JHY: variants seen among roughly 807,000 people sequenced by gnomAD.
JHY encodes the protein jhy protein homolog.
JHY carries 69 observed loss-of-function variants against 78.0 expected under a neutral mutation model. That is an observed-to-expected ratio of 0.88 (90% CI 0.73 to 1.08). The LOEUF is 1.08. Among genes scored for constraint, JHY ranks in the 50% least tolerant of loss-of-function variants. The pLI is 0.00. For synonymous variants in JHY, 368 were observed against 342.6 expected, an observed-to-expected ratio of 1.07 and a Z score of -0.82; for missense variants, 944 against 927.8, an observed-to-expected ratio of 1.02 and a Z score of -0.23.
At position 122,924,953 on chromosome 11, in the gene JHY, G is replaced by A; in HGVS notation, c.921G>A (p.Met307Ile). 6.2e-7 allele frequency: 1 copy of A among 1,614,112 alleles called. No individual in the cohort carries two copies. The highest frequency in any genetic ancestry group is 8.5e-7 in the Non-Finnish European group (1 of 1,179,994). The change falls in exon 4 of 9, where the codon ATG (methionine) becomes ATA (isoleucine). Residue 307 changes from methionine to isoleucine, a missense_variant. Physicochemically the swap from Met to Ile is conservative, Grantham distance 10 (BLOSUM62 1). Coordinates refer to ENST00000227349, the MANE Select transcript of JHY (RefSeq NM_024806.4). ...CGTCTATTCAGAATGCCAAGGAAAT[G>A]GAAAATGCTGCCATCGATCCTGAAG... ...DKTSIQNAKE[M>I]ENAAIDPEDK...
intron 3 of JHY, among the ~76,000 whole-genome samples, chr11:122,914,073 C>T (rs1382128540): frequency 1.3e-5 from 2 of 152,124 alleles, no homozygotes; most frequent in Non-Finnish European, 2.9e-5. Context: ...TCTTCTTCTT[C>T]CTCATTAAAG....
At chr11:122,958,523 ACTTTT>A (rs139103595) in intron 8 of JHY, among the ~76,000 whole-genome samples, 4,964 of 152,044 alleles carry the variant, frequency 0.033, 178 homozygotes, top group African/African-American at 0.088. Flanking sequence ...AGAAGTCTAG[ACTTTT>A]CTTTTCTACA....
At chr11:122,919,663 T>C (rs1379161132) in intron 3 of JHY, among the ~76,000 whole-genome samples, 1 of 151,846 alleles carries the variant, frequency 6.6e-6, no homozygotes, top group Non-Finnish European at 1.5e-5. Context: ...AAGCTGAAAA[T>C]GAATGTAGAA....
chr11:122,907,774 G>T (rs762585848), intron 3 of JHY, among the ~76,000 whole-genome samples: 1 of 150,568 alleles, frequency 6.6e-6, no homozygotes, highest in Non-Finnish European at 1.5e-5. Flanking sequence ...AACCCAGGGC[G>T]GTGAGCCGAG....
chr11:122,939,355 G>A (rs371025152), intron 5 of JHY, among the ~76,000 whole-genome samples: 12 of 152,056 alleles, frequency 7.9e-5, no homozygotes, highest in Non-Finnish European at 1.5e-4. Context: ...TTTCACCACC[G>A]CCACTCCCAC....
At chr11:122,926,362 A>G (rs1368151542) in intron 4 of JHY, among the ~76,000 whole-genome samples, 1 of 152,146 alleles carries the variant, frequency 6.6e-6, no homozygotes, top group South Asian at 2.1e-4. Context: ...GCCTGTTGAC[A>G]TCAGTTAAAA....
At chr11:122,901,995 C>G (rs943638331) in intron 2 of JHY, among the ~76,000 whole-genome samples, 5 of 152,068 alleles carry the variant, frequency 3.3e-5, no homozygotes, top group Non-Finnish European at 5.9e-5. Context: ...CACGTCCATA[C>G]CGTGTCTCAC....
intron 3 of JHY, among the ~76,000 whole-genome samples, chr11:122,916,318 T>C (rs2041256967): frequency 2.0e-5 from 3 of 152,148 alleles, no homozygotes; most frequent in Admixed American, 2.0e-4. Flanking sequence ...ACATTATATA[T>C]TAATACAATT....
intron 2 of JHY, among the ~76,000 whole-genome samples, chr11:122,894,967 C>T (rs1196356064): frequency 4.6e-5 from 7 of 152,094 alleles, no homozygotes; most frequent in Non-Finnish European, 7.4e-5. Flanking sequence ...TGCAAATAAC[C>T]TTCACAAAGC....
intron 5 of JHY, among the ~76,000 whole-genome samples, chr11:122,942,506 C>T (rs1307489352): frequency 2.0e-5 from 3 of 152,168 alleles, no homozygotes; most frequent in African/African-American, 7.2e-5. Flanking sequence ...TCACTGCAAC[C>T]TCCATCTCTC....
chr11:122,931,295 ACT>A (rs1368112582), intron 4 of JHY, among the ~76,000 whole-genome samples: 1 of 152,092 alleles, frequency 6.6e-6, no homozygotes, highest in Non-Finnish European at 1.5e-5. Flanking sequence ...CTCTAAAATA[ACT>A]CTTAGCTTTC....
At chr11:122,901,992 A>T (rs1048524347) in intron 2 of JHY, among the ~76,000 whole-genome samples, 3 of 152,060 alleles carry the variant, frequency 2.0e-5, no homozygotes. Flanking sequence ...TTCCACGTCC[A>T]TACCGTGTCT....
chr11:122,889,591 T>C (rs1862567009), intron 2 of JHY, among the ~76,000 whole-genome samples: 1 of 152,168 alleles, frequency 6.6e-6, no homozygotes, highest in African/African-American at 2.4e-5. Flanking sequence ...CATCCCTGGA[T>C]TTTGGTATCA....
chr11:122,892,397 A>T (rs1053366587), intron 2 of JHY, among the ~76,000 whole-genome samples: 3 of 151,250 alleles, frequency 2.0e-5, no homozygotes, highest in Admixed American at 2.0e-4. Context: ...ATCTTGGCTC[A>T]CTGCAACCTC....
rs183236775 is a variant in JHY, at chr11:122,951,431, C to G, written c.1929+4639C>G. Reference sequence around the variant, plus strand: ...AGACAATCTGGGCATTGCTGCTTGACTGCTTCTAAGAAGGGGTTTATTTGG... The same window carrying G: ...AGACAATCTGGGCATTGCTGCTTGAGTGCTTCTAAGAAGGGGTTTATTTGG... On this transcript the variant is annotated intron_variant, in intron 6 of 8. Transcript: ENST00000227349. Among the ~76,000 whole-genome samples, 19 of 152,362 alleles carry G rather than the reference C, an allele frequency of 1.2e-4. No homozygotes were observed. In the East Asian group the frequency reaches 3.7e-3, roughly 29 times the overall value.
intron 2 of JHY, among the ~76,000 whole-genome samples, chr11:122,902,541 A>G (rs1485776898): frequency 6.6e-6 from 1 of 152,176 alleles, no homozygotes; most frequent in African/African-American, 2.4e-5. Context: ...GAGACTGGGT[A>G]ATTTATTTAA....
intron 7 of JHY, 22 bp from the exon 8 acceptor site, chr11:122,957,341 A>G (rs1358046688): frequency 6.6e-7 from 1 of 1,511,634 alleles, no homozygotes; most frequent in African/African-American, 1.5e-5. Flanking sequence ...TGGATTCATC[A>G]TAACTTTGTT....
intron 2 of JHY, among the ~76,000 whole-genome samples, chr11:122,887,037 G>C (rs1434975962): frequency 6.6e-6 from 1 of 152,210 alleles, no homozygotes; most frequent in Non-Finnish European, 1.5e-5. Flanking sequence ...GAGGCACTGA[G>C]GATATGAGAG....
In JHY at chr11:122,959,745, C is replaced by T. The variant is rs940028526; in HGVS notation, c.*300C>T. The T allele has an allele frequency of 7.5e-6, 2 of 266,254 alleles. No individual in the cohort carries two copies. Among genetic ancestry groups the T allele is most frequent in the African/African-American group, 2.3e-5 (1 of 44,112 alleles). 16.5% of individuals were successfully genotyped at this position (266,254 alleles called of 1,614,324 possible). On this transcript the variant is annotated 3_prime_UTR_variant, in exon 9 of 9. Coordinates refer to ENST00000227349, the MANE Select transcript of JHY (RefSeq NM_024806.4). ...TGATCTTTTGATTTCTTCATCTCTA[C>T]CCCATTCCTTAGCATAATGGAAACC... is the stretch of plus-strand genomic sequence containing the variant.
Sources: allele counts gnomAD v4.1 joint callset (sites outside exome capture counted in the v4.1 genomes callset), GRCh38; gene constraint gnomAD v4.1.1; transcripts MANE v1.5; gene names NCBI Gene and HGNC (gene_info 2026-07-23, HGNC 2026-07-21).